SLC1A4: variants seen among roughly 807,000 people sequenced by gnomAD.
SLC1A4 encodes the protein neutral amino acid transporter A.
SLC1A4 carries 19 observed loss-of-function variants against 37.7 expected under a neutral mutation model. That is an observed-to-expected ratio of 0.50 (90% CI 0.35 to 0.74). The LOEUF (loss-of-function observed/expected upper bound fraction) is 0.74, where lower values mean the gene tolerates loss of function less well. SLC1A4 is among the 30% of genes least tolerant of loss of function. The probability of loss-of-function intolerance (pLI) is 0.01; values close to 1 mark genes in which losing one functional copy is unlikely to be tolerated. For missense variants in SLC1A4, 570 were observed against 712.9 expected (o/e 0.80, Z 2.28); for synonymous variants, 299 against 309.8 (o/e 0.97, Z 0.37).
intron 3 of SLC1A4, 99 bp from the exon 4 acceptor site, chr2:65,010,498 C>T: frequency 1.0e-6 from 1 of 969,668 alleles, no homozygotes; most frequent in Non-Finnish European, 1.5e-6. Context: ...TTTTCTCGTT[C>T]TGGGTACAGT....
chr2:65,014,853 C>G (rs1037772397), intron 4 of SLC1A4, among the ~76,000 whole-genome samples: 1 of 152,096 alleles, frequency 6.6e-6, no homozygotes, highest in Non-Finnish European at 1.5e-5. Context: ...ACCAACAGGA[C>G]GATGACAAAA....
intron 4 of SLC1A4, among the ~76,000 whole-genome samples, chr2:65,014,050 G>A (rs1484254112): frequency 6.6e-6 from 1 of 152,134 alleles, no homozygotes; most frequent in Non-Finnish European, 1.5e-5. Flanking sequence ...AGAAAGAGAG[G>A]AGTCTTCTAA....
At chr2:64,990,381 G>A (rs889972212) in intron 1 of SLC1A4, among the ~76,000 whole-genome samples, 1 of 152,204 alleles carries the variant, frequency 6.6e-6, no homozygotes, top group African/African-American at 2.4e-5. Flanking sequence ...CCGCACAATC[G>A]AAAGAGCAGG....
At chr2:65,017,630 CTTAG>C (rs1332982042) in intron 5 of SLC1A4, among the ~76,000 whole-genome samples, 2 of 151,850 alleles carry the variant, frequency 1.3e-5, no homozygotes, top group Admixed American at 6.6e-5. Context: ...TGGTTATCTA[CTTAG>C]TTATTCTTCC....
intron 4 of SLC1A4, among the ~76,000 whole-genome samples, chr2:65,015,569 T>C (rs1674090658): frequency 6.6e-6 from 1 of 152,216 alleles, no homozygotes; most frequent in Non-Finnish European, 1.5e-5. Flanking sequence ...AATGTATTCA[T>C]GTATTACTAT....
intron 1 of SLC1A4, chr2:65,000,753 G>A (rs1459860838): frequency 6.6e-6 from 1 of 152,204 alleles, no homozygotes; most frequent in Non-Finnish European, 1.5e-5. Flanking sequence ...AGTAATTATA[G>A]ATAAGGTTTT....
At chr2:64,994,999 CACATCTA>C (rs2103634671) in intron 1 of SLC1A4, 1 of 152,268 alleles carries the variant, frequency 6.6e-6, no homozygotes, top group South Asian at 2.1e-4. Context: ...ATGAAGACAG[CACATCTA>C]ACAAGGATCC....
chr2:65,004,278 G>A (rs1195322404), intron 3 of SLC1A4, among the ~76,000 whole-genome samples: 1 of 151,952 alleles, frequency 6.6e-6, no homozygotes, highest in East Asian at 1.9e-4. Flanking sequence ...TTTGAAACAG[G>A]GTCTCGCTCT....
chr2:65,017,444 G>GCT (rs1442214886), intron 5 of SLC1A4, among the ~76,000 whole-genome samples: 1 of 151,390 alleles, frequency 6.6e-6, no homozygotes, highest in African/African-American at 2.4e-5. Flanking sequence ...TGCCTCTACT[G>GCT]CTCACTTCCT....
At chr2:64,988,936 C>T (rs1672912723), upstream of SLC1A4, among the ~76,000 whole-genome samples, 1 of 151,974 alleles carries the variant, frequency 6.6e-6, no homozygotes, top group Non-Finnish European at 1.5e-5. Context: ...TCTCTTCTCC[C>T]CTCCCCTCCC....
At chr2:65,003,619 T>G (rs1024762532) in intron 2 of SLC1A4, among the ~76,000 whole-genome samples, 2 of 152,212 alleles carry the variant, frequency 1.3e-5, no homozygotes, top group African/African-American at 4.8e-5. Flanking sequence ...TCAAATAATA[T>G]GACATATAAG....
At chr2:64,998,324 G>A (rs1673343273) in intron 1 of SLC1A4, among the ~76,000 whole-genome samples, 1 of 151,896 alleles carries the variant, frequency 6.6e-6, no homozygotes, top group African/African-American at 2.4e-5. Flanking sequence ...GGGAAGCTGA[G>A]GCAGGAGAAT....
At chr2:64,991,649 T>G (rs1038126868) in intron 1 of SLC1A4, among the ~76,000 whole-genome samples, 1 of 152,184 alleles carries the variant, frequency 6.6e-6, no homozygotes, top group Non-Finnish European at 1.5e-5. Context: ...TCACCCAGGC[T>G]GGAGTGCAGT....
At chr2:64,990,247 G>A (rs970441039) in intron 1 of SLC1A4, 77 bp downstream of exon 1, 202 of 1,279,882 alleles carry the variant, frequency 1.6e-4, no homozygotes, top group Admixed American at 1.4e-4. Context: ...ACACCCATAT[G>A]CTTATACACT....
At chr2:65,008,866 C>CGCT (rs779114677) in intron 3 of SLC1A4, among the ~76,000 whole-genome samples, 3 of 152,142 alleles carry the variant, frequency 2.0e-5, no homozygotes, top group Non-Finnish European at 2.9e-5. Context: ...GCTATTGTGA[C>CGCT]TATCTCCATT....
chr2:65,017,944 A>T (rs909962443), intron 5 of SLC1A4, 127 bp from the exon 6 acceptor site: 6 of 750,264 alleles, frequency 8.0e-6, no homozygotes, highest in Non-Finnish European at 1.3e-5. Flanking sequence ...TTTTTCCCTT[A>T]TTTCAAGAGA....
In SLC1A4 at chr2:65,018,038, T is replaced by C. The variant is rs879189388; in HGVS notation, c.1035-33T>C. 4.4e-6 allele frequency: 7 copies of C among 1,599,146 alleles called. No individual in the cohort carries two copies. In the Admixed American group the frequency reaches 8.4e-5, roughly 19 times the overall value. On this transcript the variant is annotated intron_variant, in intron 5 of 7. Coordinates refer to ENST00000234256, the MANE Select transcript of SLC1A4 (RefSeq NM_003038.5). This position sits in a 1 kb window ranked among gnomAD's most constrained non-coding sequence, Gnocchi z 4.3. The stretch of plus-strand genomic sequence containing the variant: ...CATGTTAGCCTGCCTCGGACTGTTG[T>C]CATGTCTGGCGGTTTGTTTTTCCCA...
chr2:65,019,240 C>G (rs1431842911), intron 7 of SLC1A4, among the ~76,000 whole-genome samples: 1 of 152,142 alleles, frequency 6.6e-6, no homozygotes, highest in East Asian at 1.9e-4. Context: ...TCACATGATA[C>G]CTTTTGCAGG....
In SLC1A4 at chr2:65,005,795, A is replaced by G. The variant is rs149540518; in HGVS notation, c.633+1780A>G. Among the ~76,000 whole-genome samples the G allele has an allele frequency of 7.8e-3, 1,191 of 152,272 alleles. 18 individuals are homozygous for G. Among genetic ancestry groups the G allele is most frequent in the African/African-American group, 0.026 (1,095 of 41,556 alleles). The stretch of plus-strand genomic sequence containing the variant: ...GACTTCTTGAGCCCAGGAGTTCATG[A>G]CCAGCCTGGGCAACAGAGCAAGACC... On this transcript the variant is annotated intron_variant, in intron 3 of 7. Transcript: ENST00000234256.
Sources: gnomAD v4.1 joint callset for allele counts (sites outside exome capture counted in the v4.1 genomes callset) on GRCh38, gnomAD v4.1.1 for gene constraint, Gnocchi (gnomAD v3.1) non-coding constraint, MANE v1.5 for transcripts, NCBI Gene and HGNC (gene_info 2026-07-23, HGNC 2026-07-21) for gene names.